HEMK2: variants seen among roughly 807,000 people sequenced by gnomAD.
HEMK2 encodes methyltransferase HEMK2.
chr21:28,791,707 T>C, the HEMK2 span, among the ~76,000 whole-genome samples: 1 of 152,152 alleles, frequency 6.6e-6, no homozygotes, highest in Non-Finnish European at 1.5e-5. Flanking sequence ...GGGTTGACCA[T>C]GAGGGAGTCA....
chr21:28,821,039 A>G, the HEMK2 span, among the ~76,000 whole-genome samples: 1 of 152,140 alleles, frequency 6.6e-6, no homozygotes, highest in African/African-American at 2.4e-5. Context: ...CATTTCTTAT[A>G]TTTATACTTC....
At chr21:28,783,603 G>T in the HEMK2 span, among the ~76,000 whole-genome samples, 3 of 152,342 alleles carry the variant, frequency 2.0e-5, no homozygotes, top group African/African-American at 7.2e-5. Context: ...CAGTGTGCTG[G>T]CAGCCCTCGC....
the HEMK2 span, chr21:28,671,249 T>C: frequency 6.6e-6 from 1 of 152,198 alleles, no homozygotes; most frequent in Non-Finnish European, 1.5e-5. Context: ...CTTAATCACG[T>C]CTTCGAAAGA....
the HEMK2 span, among the ~76,000 whole-genome samples, chr21:28,724,827 G>A: frequency 6.6e-6 from 1 of 152,100 alleles, no homozygotes; most frequent in Non-Finnish European, 1.5e-5. Context: ...TGTCACCCAG[G>A]CTGGAGTGCA....
At chr21:28,577,002 C>G in the HEMK2 span, among the ~76,000 whole-genome samples, 1 of 152,314 alleles carries the variant, frequency 6.6e-6, no homozygotes, top group African/African-American at 2.4e-5. Context: ...TGAGCCACTG[C>G]GCCCAGCCCT....
chr21:28,606,511 G>C, the HEMK2 span, among the ~76,000 whole-genome samples: 1 of 151,970 alleles, frequency 6.6e-6, no homozygotes. Context: ...AAGGAAGGCA[G>C]GATAAAATAC....
At chr21:28,647,073 CT>C in the HEMK2 span, among the ~76,000 whole-genome samples, 1 of 152,080 alleles carries the variant, frequency 6.6e-6, no homozygotes, top group Admixed American at 6.5e-5. Context: ...TAGAATGTGG[CT>C]CTGAAATATG....
At chr21:28,739,867 C>T in the HEMK2 span, among the ~76,000 whole-genome samples, 54 of 152,110 alleles carry the variant, frequency 3.6e-4, no homozygotes, top group Non-Finnish European at 1.3e-4. Flanking sequence ...AAATACACAC[C>T]CAAGGTTTTC....
the HEMK2 span, among the ~76,000 whole-genome samples, chr21:28,865,088 G>C: frequency 1.3e-5 from 2 of 152,066 alleles, no homozygotes; most frequent in Non-Finnish European, 1.5e-5. Context: ...GTCTCAAGAG[G>C]GTCCTCCATC....
At chr21:28,575,867 C>CAA in the HEMK2 span, among the ~76,000 whole-genome samples, 1 of 152,258 alleles carries the variant, frequency 6.6e-6, no homozygotes, top group East Asian at 1.9e-4. Flanking sequence ...CGTGTTTATT[C>CAA]TTTCACTCAA....
chr21:28,873,238 T>A, the HEMK2 span: 2 of 152,180 alleles, frequency 1.3e-5, no homozygotes, highest in Non-Finnish European at 2.9e-5. Flanking sequence ...GTAAAATTAA[T>A]CAAGGTTGAA....
chr21:28,669,184 C>A, the HEMK2 span, among the ~76,000 whole-genome samples: 9 of 152,094 alleles, frequency 5.9e-5, no homozygotes, highest in African/African-American at 1.9e-4. Context: ...CATGGTGAAA[C>A]CCTGTCTTTA....
chr21:28,802,156 T>C, the HEMK2 span, among the ~76,000 whole-genome samples: 1 of 152,118 alleles, frequency 6.6e-6, no homozygotes, highest in African/African-American at 2.4e-5. Flanking sequence ...GTTAAAAACA[T>C]AATGAGTCAT....
the HEMK2 span, among the ~76,000 whole-genome samples, chr21:28,654,199 G>A: frequency 5.9e-5 from 9 of 152,226 alleles, no homozygotes; most frequent in Middle Eastern, 6.8e-3. Flanking sequence ...GAACAGGTTC[G>A]TACAATGAAA....
At chr21:28,658,178 G>A in the HEMK2 span, among the ~76,000 whole-genome samples, 1 of 151,874 alleles carries the variant, frequency 6.6e-6, no homozygotes, top group South Asian at 2.1e-4. Context: ...CAAAATAATA[G>A]GACCTAAAAG....
chr21:28,846,852 T>C, the HEMK2 span, among the ~76,000 whole-genome samples: 1 of 152,162 alleles, frequency 6.6e-6, no homozygotes, highest in Non-Finnish European at 1.5e-5. Flanking sequence ...GTGTACTCAA[T>C]GTTAGCTCCC....
the HEMK2 span, among the ~76,000 whole-genome samples, chr21:28,840,404 G>A: frequency 1.3e-5 from 2 of 151,486 alleles, no homozygotes; most frequent in African/African-American, 2.5e-5. Context: ...ATTGCAAACG[G>A]AACAGTCAGC....
At chr21:28,792,947 A>G in the HEMK2 span, among the ~76,000 whole-genome samples, 1 of 152,204 alleles carries the variant, frequency 6.6e-6, no homozygotes, top group Non-Finnish European at 1.5e-5. Context: ...GCAGATAACC[A>G]CTGCACCAAA....
chr21:28,798,146 T>G, the HEMK2 span, among the ~76,000 whole-genome samples: 1 of 152,188 alleles, frequency 6.6e-6, no homozygotes, highest in Admixed American at 6.5e-5. Flanking sequence ...ACCGCTACTT[T>G]CAGTGCTTCT....
Sources: gnomAD v4.1 joint callset for allele counts (sites outside exome capture counted in the v4.1 genomes callset) on GRCh38, gnomAD v4.1.1 for gene constraint, MANE v1.5 for transcripts, NCBI Gene and HGNC (gene_info 2026-07-23, HGNC 2026-07-21) for gene names.